KIAA1328: variants seen among roughly 807,000 people sequenced by gnomAD.
KIAA1328 encodes the protein KIAA1328.
Under a neutral mutation model 68.1 loss-of-function variants are expected in KIAA1328, and 52 were observed. The observed-to-expected ratio is 0.76, with a 90% CI of 0.61 to 0.96. The LOEUF is 0.96. Among genes scored for constraint, KIAA1328 ranks in the 40% least tolerant of loss-of-function variants. The pLI is 0.00. For synonymous variants in KIAA1328, 232 were observed against 239.4 expected (o/e 0.97, Z 0.28); for missense variants, 641 against 677.6 (o/e 0.95, Z 0.60).
chr18:36,948,828 C>T (rs1036856448), intron 5 of KIAA1328, among the ~76,000 whole-genome samples: 7 of 152,332 alleles, frequency 4.6e-5, no homozygotes, highest in South Asian at 2.1e-4. Flanking sequence ...GGATTACAGG[C>T]GTAAGCCACT....
In KIAA1328 at chr18:36,978,206, A is replaced by G. The variant is rs144628011; in HGVS notation, c.576+18771A>G. On this transcript the variant is annotated intron_variant, in intron 6 of 9. Transcript: ENST00000280020. ...TATATGCTTTGTTCCTCCAGCAGTG[A>G]ATTCTGACAACTACTGTGAAATGTT... Among the ~76,000 whole-genome samples the G allele has an allele frequency of 1.7e-3, 256 of 152,342 alleles. 1 individual carries two copies. The highest frequency in any genetic ancestry group is 2.5e-3 in the Non-Finnish European group (172 of 68,026).
chr18:36,959,068 A>C (rs1213861249), intron 5 of KIAA1328, among the ~76,000 whole-genome samples: 1 of 152,134 alleles, frequency 6.6e-6, no homozygotes, highest in Non-Finnish European at 1.5e-5. Flanking sequence ...AATTTAAAGA[A>C]TCGAGGAATA....
chr18:37,023,745 T>C (rs558098740), intron 6 of KIAA1328, among the ~76,000 whole-genome samples: 76 of 152,338 alleles, frequency 5.0e-4, no homozygotes, highest in Admixed American at 9.8e-4. Context: ...CTTCATTATC[T>C]CTGCAGTGTC....
At chr18:37,163,913 A>G (rs1459251884) in intron 8 of KIAA1328, among the ~76,000 whole-genome samples, 1 of 152,228 alleles carries the variant, frequency 6.6e-6, no homozygotes. Context: ...CATAGTATGC[A>G]AGCATAGTAG....
At chr18:36,830,532 T>TAA (rs2046439509) in intron 1 of KIAA1328, among the ~76,000 whole-genome samples, 3 of 152,318 alleles carry the variant, frequency 2.0e-5, no homozygotes, top group Non-Finnish European at 4.4e-5. Context: ...TTGAAGGTTA[T>TAA]TAGCTTATAG....
At chr18:36,885,260 C>G (rs929021749) in intron 4 of KIAA1328, among the ~76,000 whole-genome samples, 13 of 152,094 alleles carry the variant, frequency 8.5e-5, no homozygotes, top group Non-Finnish European at 1.5e-4. Context: ...GAATATATTT[C>G]TGTCCTGGAT....
intron 9 of KIAA1328, among the ~76,000 whole-genome samples, chr18:37,211,680 G>A (rs1292149958): frequency 1.3e-5 from 2 of 152,250 alleles, no homozygotes; most frequent in Non-Finnish European, 2.9e-5. Flanking sequence ...ATCCTAATAT[G>A]TCAGATCTAA....
intron 6 of KIAA1328, among the ~76,000 whole-genome samples, chr18:37,041,098 A>G (rs1348875792): frequency 6.6e-6 from 1 of 151,960 alleles, no homozygotes; most frequent in East Asian, 1.9e-4. Context: ...AATCTTTTAT[A>G]CTTTGCTGAT....
chr18:36,942,007 A>G (rs752269341), intron 5 of KIAA1328, among the ~76,000 whole-genome samples: 2 of 152,228 alleles, frequency 1.3e-5, no homozygotes, highest in Non-Finnish European at 1.5e-5. Flanking sequence ...TACAATAAAT[A>G]TGGTACTTTG....
At chr18:37,172,929 T>C (rs1378081112) in intron 8 of KIAA1328, 44 bp from the exon 9 acceptor site, 2 of 1,445,326 alleles carry the variant, frequency 1.4e-6, no homozygotes, top group Non-Finnish European at 1.9e-6. Context: ...TTTTCCATTT[T>C]CTTTTACTGA....
intron 7 of KIAA1328, among the ~76,000 whole-genome samples, chr18:37,069,557 T>C (rs2151744864): frequency 6.6e-6 from 1 of 152,340 alleles, no homozygotes; most frequent in East Asian, 1.9e-4. Flanking sequence ...TTCGCTCTGC[T>C]TCTGCTTTCT....
At chr18:36,959,266 G>C (rs1171332442) in intron 5 of KIAA1328, 42 bp from the exon 6 acceptor site, 2 of 1,522,068 alleles carry the variant, frequency 1.3e-6, no homozygotes, top group Admixed American at 2.5e-5. Flanking sequence ...GATGCAGTTT[G>C]AATCAATTTT....
At chr18:37,008,808 G>A (rs1251053257) in intron 6 of KIAA1328, among the ~76,000 whole-genome samples, 1 of 152,120 alleles carries the variant, frequency 6.6e-6, no homozygotes, top group African/African-American at 2.4e-5. Flanking sequence ...ACAAAGGAAA[G>A]AGTCAGTAAA....
intron 9 of KIAA1328, among the ~76,000 whole-genome samples, chr18:37,217,787 T>G (rs923519542): frequency 6.6e-6 from 1 of 152,236 alleles, no homozygotes. Context: ...CCATTCTCCC[T>G]GTCACTTTCA....
intron 9 of KIAA1328, among the ~76,000 whole-genome samples, chr18:37,212,880 C>T (rs2060344078): frequency 6.6e-6 from 1 of 152,064 alleles, no homozygotes; most frequent in East Asian, 1.9e-4. Flanking sequence ...GCCCCCACAC[C>T]CAGCTAATTG....
rs530300650 is a variant in KIAA1328, at chr18:36,869,923, C to T, written c.333-15634C>T. 1.1e-3 allele frequency among the ~76,000 whole-genome samples: 160 copies of T among 151,946 alleles called. 2 individuals carry two copies. The highest frequency in any genetic ancestry group is 3.7e-3 in the African/African-American group (154 of 41,452). On this transcript the variant is annotated intron_variant, in intron 4 of 9. Coordinates refer to ENST00000280020, the MANE Select transcript of KIAA1328 (RefSeq NM_020776.3). Reference sequence around the variant, plus strand: ...CTGTCACCAGGCTGGAGTGCAATGGCGCGATCTGGGCTCACTGCAACCTCT... The same window carrying T: ...CTGTCACCAGGCTGGAGTGCAATGGTGCGATCTGGGCTCACTGCAACCTCT...
At chr18:36,879,451 G>A (rs571976737) in intron 4 of KIAA1328, among the ~76,000 whole-genome samples, 9 of 152,038 alleles carry the variant, frequency 5.9e-5, no homozygotes, top group African/African-American at 2.2e-4. Context: ...TATATGAGGT[G>A]TCTGTCAACC....
intron 4 of KIAA1328, among the ~76,000 whole-genome samples, chr18:36,875,233 T>C (rs755304632): frequency 2.0e-5 from 3 of 152,258 alleles, no homozygotes; most frequent in Non-Finnish European, 4.4e-5. Context: ...TTGATGGGAA[T>C]AGCAATGAAT....
intron 4 of KIAA1328, among the ~76,000 whole-genome samples, chr18:36,865,549 T>A (rs1161449900): frequency 6.6e-6 from 1 of 152,208 alleles, no homozygotes; most frequent in Non-Finnish European, 1.5e-5. Flanking sequence ...CTGCTTCCTG[T>A]TAGCTTTAAT....
Sources: allele counts gnomAD v4.1 joint callset (sites outside exome capture counted in the v4.1 genomes callset), GRCh38; gene constraint gnomAD v4.1.1; transcripts MANE v1.5; gene names NCBI Gene and HGNC (gene_info 2026-07-23, HGNC 2026-07-21).